The following DNAJB1 variants were observed in gnomAD, a reference collection of about 807,000 sequenced individuals.
DNAJB1 encodes the protein dnaJ homolog subfamily B member 1.
A neutral mutation model predicts 24.0 loss-of-function variants in DNAJB1; 14 were observed. The ratio of observed to expected loss-of-function variants is 0.58; its 90% confidence interval spans 0.39 to 0.91. DNAJB1 has a LOEUF of 0.91. Among genes scored for constraint, DNAJB1 ranks in the 40% least tolerant of loss-of-function variants. The pLI, the probability that DNAJB1 is intolerant of heterozygous loss-of-function variation, is 0.00. For missense variants in DNAJB1, 517 were observed against 458.1 expected, an observed-to-expected ratio of 1.13 and a Z score of -1.17; for synonymous variants, 262 against 174.4, an observed-to-expected ratio of 1.50 and a Z score of -3.96.
chr19:14,542,347 G>GGGTTTT (rs2073124658), intron 1 of DNAJB1, among the ~76,000 whole-genome samples: 3 of 43,282 alleles, frequency 6.9e-5, no homozygotes, highest in African/African-American at 2.4e-4. Context: ...ATGCCATAGT[G>GGGTTTT]TTTTTTTTTT....
At chr19:14,543,423 T>A (rs1298420941) in intron 1 of DNAJB1, among the ~76,000 whole-genome samples, 491 of 7,296 alleles carry the variant, frequency 0.067, 8 homozygotes, top group East Asian at 0.079. Flanking sequence ...ATATATATTT[T>A]TTTTTTTTTT....
In DNAJB1 at chr19:14,518,173, G is replaced by T; in HGVS notation, c.177C>A (p.Arg59=). Residue 59 remains arginine (R), a synonymous_variant, in exon 1 of 3, where the codon CGC becomes CGA. Coordinates refer to ENST00000254322, the MANE Select transcript of DNAJB1 (RefSeq NM_006145.3). The part of the protein sequence containing the change: ...AEAYDVLSDP[R]KREIFDRYGE... ...CGTAGCGGTCGAAGATCTCGCGCTT[G>T]CGCGGGTCGCTGAGCACGTCGTAGG... 6.3e-7 allele frequency: 1 copy of T among 1,589,552 alleles called. No individual in the cohort carries two copies.
At chr19:14,526,774 CA>C in intron 2 of DNAJB1, among the ~76,000 whole-genome samples, 1 of 152,310 alleles carries the variant, frequency 6.6e-6, no homozygotes, top group Middle Eastern at 3.4e-3. Context: ...CTCACCTCTT[CA>C]GATCACATTA....
upstream of DNAJB1, chr19:14,518,398 GCCGCCGA>G (rs2072317263): frequency 6.6e-7 from 1 of 1,505,812 alleles, no homozygotes. Flanking sequence ...CCCCGGCTCC[GCCGCCGA>G]CCAGTCCCGG....
intron 1 of DNAJB1, among the ~76,000 whole-genome samples, chr19:14,541,466 A>G (rs11671204): frequency 0.35 from 53,756 of 152,196 alleles, 9,893 homozygotes; most frequent in Non-Finnish European, 0.42. Context: ...TTCCCGTCAT[A>G]GGACCCTGCC....
rs182152860 is a variant in DNAJB1 at position 14,517,414 on chromosome 19, T to C, written c.212-368A>G. 5.3e-5 allele frequency: 11 copies of C among 205,926 alleles called. No homozygotes were observed. In the East Asian group the frequency reaches 6.8e-4, roughly 13 times the overall value. 12.8% of individuals were successfully genotyped at this position (205,926 alleles called of 1,614,324 possible). On this transcript the variant is annotated intron_variant, in intron 1 of 2. Transcript: ENST00000254322. Reference sequence around the variant, plus strand: ...GTGTTTACTCTCAACGTTTTAGGGCTAATGGTGCGTAGGAAGAGAAGAAAA... The same window carrying C: ...GTGTTTACTCTCAACGTTTTAGGGCCAATGGTGCGTAGGAAGAGAAGAAAA...
At chr19:14,552,144 CTTTT>C (rs939121738), upstream of DNAJB1, among the ~76,000 whole-genome samples, 4 of 141,608 alleles carry the variant, frequency 2.8e-5, no homozygotes, top group African/African-American at 1.1e-4. Flanking sequence ...TGGCCTTTTT[CTTTT>C]CTTTCTTTCT....
upstream of DNAJB1, chr19:14,530,401 A>G (rs752155648): frequency 6.6e-6 from 1 of 152,380 alleles, no homozygotes; most frequent in Non-Finnish European, 1.5e-5. Flanking sequence ...TTATCGCCCT[A>G]GGTGATAATA....
At chr19:14,539,297 A>C (rs918200519) in intron 1 of DNAJB1, among the ~76,000 whole-genome samples, 1 of 151,862 alleles carries the variant, frequency 6.6e-6, no homozygotes, top group African/African-American at 2.4e-5. Context: ...CCTGGCTGCA[A>C]GTCACATTTT....
intron 1 of DNAJB1, among the ~76,000 whole-genome samples, chr19:14,556,177 G>GT (rs2073714274): frequency 1.3e-5 from 2 of 152,048 alleles, no homozygotes; most frequent in African/African-American, 4.8e-5. Flanking sequence ...GGCCACACAG[G>GT]ACTCCTTCCT....
rs1368711011 is a variant in DNAJB1 at position 14,516,093 on chromosome 19, C to G, written c.870G>C (p.Arg290Ser). ...CAGGAACTTTTCGCCGCATGCCAGG[C>G]CTGATAACATCTTTGAATACGACGG... ...TIPVVFKDVI[R>S]PGMRRKVPGE... is the part of the protein sequence containing the mutation. Residue 290 changes from arginine to serine, a missense_variant, in exon 3 of 3, where the codon AGG becomes AGC. Physicochemically the swap from Arg to Ser is moderately radical, Grantham distance 110. Coordinates refer to ENST00000254322, the MANE Select transcript of DNAJB1 (RefSeq NM_006145.3). 6.2e-7 allele frequency: 1 copy of G among 1,613,932 alleles called. No homozygotes were observed. Among genetic ancestry groups the G allele is most frequent in the Admixed American group, 1.7e-5 (1 of 59,898 alleles).
At position 14,518,153 on chromosome 19, in the gene DNAJB1, C is replaced by A; in HGVS notation, c.197G>T (p.Arg66Leu). 6.3e-7 allele frequency: 1 copy of A among 1,574,892 alleles called. No individual in the cohort carries two copies. The highest frequency in any genetic ancestry group is 1.1e-5 in the South Asian group (1 of 87,254). Reference protein sequence around the residue: ...SDPRKREIFDRYGEEGLKGSG... With the variant: ...SDPRKREIFDLYGEEGLKGSG... The stretch of plus-strand genomic sequence containing the variant: ...CGAGCACACACCTTCCTCCCCGTAG[C>A]GGTCGAAGATCTCGCGCTTGCGCGG... Residue 66 changes from arginine to leucine, a missense_variant, in exon 1 of 3, where the codon CGC (arginine) becomes CTC (leucine). Transcript: ENST00000254322.
chr19:14,546,974 C>T (rs2146591687), intron 1 of DNAJB1, among the ~76,000 whole-genome samples: 1 of 152,262 alleles, frequency 6.6e-6, no homozygotes, highest in South Asian at 2.1e-4. Flanking sequence ...GGATTACAGG[C>T]ATGAGCCACT....
chr19:14,555,438 C>CTTTTTTT (rs747503834), intron 1 of DNAJB1, among the ~76,000 whole-genome samples: 1 of 92,902 alleles, frequency 1.1e-5, no homozygotes. Context: ...TTTATTTATT[C>CTTTTTTT]TTTTTTTTTT....
At chr19:14,528,589 C>G (rs999162432) in intron 1 of DNAJB1, among the ~76,000 whole-genome samples, 1 of 152,058 alleles carries the variant, frequency 6.6e-6, no homozygotes, top group Non-Finnish European at 1.5e-5. Flanking sequence ...CCACTAGACA[C>G]GATTCTGGAC....
chr19:14,518,226 C>G lies in DNAJB1; in HGVS notation c.124G>C (p.Glu42Gln). The stretch of plus-strand genomic sequence containing the variant: ...TCAGCGATCTCCTTGAACTTCTCCT[C>G]GGCGCCGGGCTCCTTGTTCTTGTCC... ...HPDKNKEPGA[E>Q]EKFKEIAEAY... The change falls in exon 1 of 3, where the codon GAG (glutamate) becomes CAG (glutamine). Residue 42 changes from glutamate to glutamine, a missense_variant. Physicochemically the swap from Glu to Gln is conservative, Grantham distance 29. Coordinates refer to ENST00000254322, the MANE Select transcript of DNAJB1 (RefSeq NM_006145.3). 1.9e-6 allele frequency: 3 copies of G among 1,609,870 alleles called. No homozygotes were observed. Among genetic ancestry groups the G allele is most frequent in the Non-Finnish European group, 2.5e-6 (3 of 1,178,462 alleles).
intron 1 of DNAJB1, among the ~76,000 whole-genome samples, chr19:14,535,513 A>G (rs2072834260): frequency 3.5e-5 from 1 of 28,296 alleles, no homozygotes; most frequent in Admixed American, 4.9e-4. Flanking sequence ...TCTCAAAAAA[A>G]AAAAAAAAAA....
chr19:14,544,934 G>A (rs957470174), intron 1 of DNAJB1, among the ~76,000 whole-genome samples: 3 of 152,014 alleles, frequency 2.0e-5, no homozygotes, highest in Non-Finnish European at 4.4e-5. Context: ...TGCCCAGCAC[G>A]TGGCTTGTTT....
At chr19:14,555,101 G>T (rs1344243281), upstream of DNAJB1, among the ~76,000 whole-genome samples, 2 of 151,282 alleles carry the variant, frequency 1.3e-5, no homozygotes, top group East Asian at 1.9e-4. Context: ...TTGAGACAGG[G>T]TCTTGCTTTG....
Sources: allele counts gnomAD v4.1 joint callset (sites outside exome capture counted in the v4.1 genomes callset), GRCh38; gene constraint gnomAD v4.1.1; transcripts MANE v1.5; gene names NCBI Gene and HGNC (gene_info 2026-07-23, HGNC 2026-07-21).